Variants in LRIG1 observed in about 807,000 individuals in gnomAD.
The protein encoded by LRIG1 is leucine rich repeats and immunoglobulin like domains 1, also known as leucine-rich repeats and immunoglobulin-like domains protein 1.
A neutral mutation model predicts 99.2 loss-of-function variants in LRIG1; 48 were observed. That is an observed-to-expected ratio of 0.48 (90% CI 0.38 to 0.62). The LOEUF (loss-of-function observed/expected upper bound fraction) is 0.62, where lower values mean the gene tolerates loss of function less well. Among genes scored for constraint, LRIG1 ranks in the 20% least tolerant of loss-of-function variants. LRIG1 has a pLI of 0.00. For missense variants in LRIG1, 1,646 were observed against 1,434.4 expected (o/e 1.15, Z -2.38); for synonymous variants, 772 against 596.1 (o/e 1.29, Z -4.30).
chr3:66,434,372 T>TC (rs1452320809), intron 3 of LRIG1, among the ~76,000 whole-genome samples: 1 of 152,190 alleles, frequency 6.6e-6, no homozygotes, highest in Non-Finnish European at 1.5e-5. Flanking sequence ...ATGCTTAACA[T>TC]CATTGGTCAT....
intron 9 of LRIG1, chr3:66,404,262 C>G (rs551635702): frequency 7.0e-6 from 9 of 1,289,354 alleles, no homozygotes; most frequent in Non-Finnish European, 8.1e-6. Flanking sequence ...CATCGAGCTC[C>G]ACTAGGGCTT....
intron 1 of LRIG1, among the ~76,000 whole-genome samples, chr3:66,491,773 T>C (rs1235402738): frequency 6.6e-6 from 1 of 152,158 alleles, no homozygotes; most frequent in Non-Finnish European, 1.5e-5. Context: ...AGCAGCATAT[T>C]GGGAAATAGA....
chr3:66,434,998 T>C (rs961377399), intron 3 of LRIG1, among the ~76,000 whole-genome samples: 5 of 152,118 alleles, frequency 3.3e-5, no homozygotes, highest in African/African-American at 7.2e-5. Context: ...CAAATGTTCA[T>C]AGCAGTATTT....
intron 6 of LRIG1, 130 bp downstream of exon 6, chr3:66,412,741 T>G: frequency 9.6e-7 from 1 of 1,038,996 alleles, no homozygotes; most frequent in South Asian, 1.5e-5. Flanking sequence ...AATGCTGGTG[T>G]GGGCGCACAC....
rs116239031 is a variant in LRIG1 at position 66,441,069 on chromosome 3, C to T, written c.365+10490G>A. Among the ~76,000 whole-genome samples the T allele has an allele frequency of 3.1e-3, 471 of 152,110 alleles. 2 individuals carry two copies. The highest frequency in any genetic ancestry group is 0.01 in the African/African-American group (435 of 41,506). On this transcript the variant is annotated intron_variant, in intron 3 of 18. Transcript: ENST00000273261. ...AAACTAACGTCACAGCAGCTGTCCCCGAGGAAAAAAAGTATCAGAGCCCCC... is the reference window on the plus strand; with the variant it reads ...AAACTAACGTCACAGCAGCTGTCCCTGAGGAAAAAAAGTATCAGAGCCCCC...
chr3:66,417,068 G>A, intron 4 of LRIG1, 61 bp downstream of exon 4: 2 of 1,594,000 alleles, frequency 1.3e-6, no homozygotes, highest in Non-Finnish European at 1.7e-6. Flanking sequence ...GGGTGCCGGT[G>A]AAGCTGTTAG....
At chr3:66,408,051 C>G (rs1052688871) in intron 7 of LRIG1, among the ~76,000 whole-genome samples, 6 of 152,202 alleles carry the variant, frequency 3.9e-5, no homozygotes, top group African/African-American at 9.7e-5. Context: ...CCCCCATCCA[C>G]GTGGACCTCA....
At chr3:66,434,159 T>C (rs1337980029) in intron 3 of LRIG1, among the ~76,000 whole-genome samples, 4 of 152,198 alleles carry the variant, frequency 2.6e-5, no homozygotes, top group African/African-American at 7.2e-5. Flanking sequence ...AGCTACAGAT[T>C]GAGAGAAAGT....
intron 3 of LRIG1, among the ~76,000 whole-genome samples, chr3:66,448,282 C>T (rs1239409812): frequency 6.6e-6 from 1 of 152,192 alleles, no homozygotes; most frequent in African/African-American, 2.4e-5. Context: ...AATGGTGCCA[C>T]CCAGCTTGGG....
chr3:66,405,141 C>A (rs904923751), intron 9 of LRIG1, 57 bp downstream of exon 9: 4 of 1,499,816 alleles, frequency 2.7e-6, no homozygotes, highest in Non-Finnish European at 3.7e-6. Flanking sequence ...AGAAACATCT[C>A]CCACCCAAGT....
intron 3 of LRIG1, among the ~76,000 whole-genome samples, chr3:66,445,910 A>C (rs1703700930): frequency 6.6e-6 from 1 of 152,148 alleles, no homozygotes; most frequent in Non-Finnish European, 1.5e-5. Context: ...ACCTTAGCTC[A>C]GATCATGAGG....
rs938486467 is a variant in LRIG1 at position 66,407,618 on chromosome 3, TGC to T, written c.936-129_936-128del. 1.1e-4 allele frequency: 92 copies of T among 867,276 alleles called. 1 individual carries two copies. The highest frequency in any genetic ancestry group is 1.3e-4 in the Non-Finnish European group (71 of 558,598). The allele number at this position is 867,276 out of a possible 1,614,324, so 53.7% of individuals were successfully genotyped here. A position where few individuals can be genotyped will look rare whatever the true frequency, so the allele number is the denominator to read the frequency against. On this transcript the variant is annotated intron_variant, in intron 7 of 18. Transcript: ENST00000273261. Reference sequence around the variant, plus strand: ...TGACACAGATGCACACGCACGCGCGTGCGTGCACACACACACCCACACCCACA... The same window carrying T: ...TGACACAGATGCACACGCACGCGCGTGTGCACACACACACCCACACCCACA...
At chr3:66,388,435 G>A (rs960635796) in intron 12 of LRIG1, among the ~76,000 whole-genome samples, 9 of 151,910 alleles carry the variant, frequency 5.9e-5, no homozygotes, top group African/African-American at 2.2e-4. Context: ...GAAAGAAAAA[G>A]GAAGAGAAAA....
chr3:66,381,568 T>C lies in LRIG1; in HGVS notation c.2681A>G (p.Gln894Arg). 1 of 1,614,172 alleles carries C rather than the reference T, an allele frequency of 6.2e-7. No individual in the cohort carries two copies. The highest frequency in any genetic ancestry group is 8.5e-7 in the Non-Finnish European group (1 of 1,180,000). The change falls in exon 17 of 19, where the codon CAG (glutamine) becomes CGG (arginine). Residue 894 changes from glutamine (Q) to arginine (R), a missense_variant. Gln to Arg is a conservative substitution (Grantham distance 43). Transcript: ENST00000273261. ...EPDTHSVACR[Q>R]PKLCAGSAYH... ...CGCAGACCCAGCACAGAGCTTTGGC[T>C]GCCTGCAGGCAACGCTGTGAGTGTC... is the stretch of plus-strand genomic sequence containing the variant.
chr3:66,483,776 C>A (rs1477321373), intron 1 of LRIG1, among the ~76,000 whole-genome samples: 2 of 152,226 alleles, frequency 1.3e-5, no homozygotes, highest in African/African-American at 2.4e-5. Flanking sequence ...AGATGAGAGA[C>A]CATGTCAACA....
At chr3:66,443,423 A>T (rs970226440) in intron 3 of LRIG1, among the ~76,000 whole-genome samples, 1 of 152,040 alleles carries the variant, frequency 6.6e-6, no homozygotes, top group Non-Finnish European at 1.5e-5. Flanking sequence ...TCCTTTTGGT[A>T]TTCCTCTGAA....
At chr3:66,446,492 G>A (rs1424060092) in intron 3 of LRIG1, among the ~76,000 whole-genome samples, 2 of 139,122 alleles carry the variant, frequency 1.4e-5, no homozygotes, top group African/African-American at 2.7e-5. Flanking sequence ...TGCAACCTCC[G>A]CCTCCCAGGT....
At position 66,383,310 on chromosome 3, in the gene LRIG1, C is replaced by T. The variant is rs200311996; in HGVS notation, c.2163G>A (p.Pro721=). The change falls in exon 15 of 19, where the codon CCG becomes CCA. Residue 721 remains proline (P), a synonymous_variant. Transcript: ENST00000273261. ...ALQCKATGNP[P]PRITWFKGDR... ...CCCCCTTGAACCAGGTGATGCGGGG[C>T]GGAGGGTTCCCCGTGGCTTTGCATT... 1.0e-4 allele frequency: 164 copies of T among 1,606,508 alleles called. 2 individuals are homozygous for T. In the East Asian group the frequency reaches 1.2e-3, roughly 12 times the overall value.
intron 3 of LRIG1, among the ~76,000 whole-genome samples, chr3:66,448,656 T>C (rs1703802184): frequency 6.6e-6 from 1 of 152,210 alleles, no homozygotes; most frequent in Non-Finnish European, 1.5e-5. Context: ...CTGACTTTTC[T>C]GTGATGCATC....
Sources: gnomAD v4.1 joint callset for allele counts (sites outside exome capture counted in the v4.1 genomes callset) on GRCh38, gnomAD v4.1.1 for gene constraint, MANE v1.5 for transcripts, NCBI Gene and HGNC (gene_info 2026-07-23, HGNC 2026-07-21) for gene names.